Variants in ERCC8 observed in about 807,000 individuals in gnomAD.
ERCC8 encodes DNA excision repair protein ERCC-8.
Under a neutral mutation model 54.9 loss-of-function variants are expected in ERCC8, and 52 were observed. The observed-to-expected ratio is 0.95, with a 90% confidence interval of 0.76 to 1.19. The LOEUF is 1.19. ERCC8 is among the 50% of genes most tolerant of loss of function. ERCC8 has a pLI of 0.00. For missense variants in ERCC8, 514 were observed against 466.1 expected (o/e 1.10, Z -0.95); for synonymous variants, 146 against 157.2 (o/e 0.93, Z 0.53).
At chr5:60,916,473 A>G (rs1180224794) in intron 4 of ERCC8, among the ~76,000 whole-genome samples, 3 of 152,064 alleles carry the variant, frequency 2.0e-5, no homozygotes, top group Admixed American at 2.0e-4. Flanking sequence ...ACCCTCAACT[A>G]GATGCCTGTT....
chr5:60,899,571 T>G, intron 8 of ERCC8, 56 bp downstream of exon 8: 1 of 1,354,862 alleles, frequency 7.4e-7, no homozygotes, highest in Non-Finnish European at 1.1e-6. Context: ...CAATTAAAAA[T>G]TTTCAATGTA....
intron 2 of ERCC8, among the ~76,000 whole-genome samples, chr5:60,927,778 G>C (rs931991299): frequency 1.3e-5 from 2 of 152,132 alleles, no homozygotes; most frequent in Admixed American, 1.3e-4. Context: ...GTTACACTGA[G>C]CCTGGAAAAG....
At chr5:60,902,363 T>G in intron 7 of ERCC8, 79 bp downstream of exon 7, 4 of 1,055,828 alleles carry the variant, frequency 3.8e-6, no homozygotes, top group Non-Finnish European at 5.8e-6. Context: ...TGCTAAAATA[T>G]ATACATTACA....
chr5:60,875,518 A>G (rs561580578), intron 11 of ERCC8, among the ~76,000 whole-genome samples: 3 of 152,326 alleles, frequency 2.0e-5, no homozygotes, highest in Non-Finnish European at 4.4e-5. Context: ...GCAAATAACT[A>G]AAAGGGCTTT....
At chr5:60,933,368 G>T (rs1288704788) in intron 1 of ERCC8, among the ~76,000 whole-genome samples, 1 of 151,414 alleles carries the variant, frequency 6.6e-6, no homozygotes, top group Non-Finnish European at 1.5e-5. Flanking sequence ...ATAGGCATCT[G>T]CCACCACACC....
chr5:60,880,632 T>C (rs1748182963), intron 11 of ERCC8, among the ~76,000 whole-genome samples: 1 of 152,244 alleles, frequency 6.6e-6, no homozygotes, highest in Non-Finnish European at 1.5e-5. Context: ...CCATCACTGA[T>C]ACCCTTTCTT....
chr5:60,896,803 A>T (rs1436909829), intron 9 of ERCC8, among the ~76,000 whole-genome samples: 1 of 152,236 alleles, frequency 6.6e-6, no homozygotes, highest in Non-Finnish European at 1.5e-5. Flanking sequence ...CAAGAAGGAA[A>T]GAAAAATGGA....
chr5:60,905,200 A>G (rs540789025), intron 4 of ERCC8, among the ~76,000 whole-genome samples: 3 of 152,314 alleles, frequency 2.0e-5, no homozygotes, highest in Admixed American at 1.3e-4. Flanking sequence ...TGTAGCCAGC[A>G]CTGCCTCTCA....
At chr5:60,883,680 A>C (rs980752554) in intron 11 of ERCC8, among the ~76,000 whole-genome samples, 7 of 152,206 alleles carry the variant, frequency 4.6e-5, no homozygotes. Flanking sequence ...GATATGTAAA[A>C]CAGTTATGTA....
At chr5:60,896,994 G>A (rs896460761) in intron 9 of ERCC8, among the ~76,000 whole-genome samples, 3 of 152,068 alleles carry the variant, frequency 2.0e-5, no homozygotes, top group Non-Finnish European at 2.9e-5. Flanking sequence ...GGCTTGCAGG[G>A]CCCATATGAT....
At chr5:60,905,700 G>A (rs991290850) in intron 4 of ERCC8, among the ~76,000 whole-genome samples, 77 of 152,190 alleles carry the variant, frequency 5.1e-4, no homozygotes, top group African/African-American at 1.8e-3. Flanking sequence ...GGTTCTTCCT[G>A]CCTGCTGCAC....
At chr5:60,896,200 G>A (rs1748719333) in intron 9 of ERCC8, among the ~76,000 whole-genome samples, 1 of 150,144 alleles carries the variant, frequency 6.7e-6, no homozygotes, top group African/African-American at 2.5e-5. Flanking sequence ...GGTCAGGCTG[G>A]TCTCGAACTC....
At chr5:60,891,667 T>TC (rs1374742438) in intron 9 of ERCC8, among the ~76,000 whole-genome samples, 3 of 151,446 alleles carry the variant, frequency 2.0e-5, no homozygotes, top group African/African-American at 7.3e-5. Flanking sequence ...ATATTCTTTT[T>TC]TTTTTTTCCT....
rs1747819359 is a variant in ERCC8, at chr5:60,869,486, T to C, written c.*5129A>G. Among the ~76,000 whole-genome samples the C allele has an allele frequency of 6.6e-6, 1 of 152,212 alleles. No homozygotes were observed. Among genetic ancestry groups the C allele is most frequent in the Non-Finnish European group, 1.5e-5 (1 of 68,018 alleles). On this transcript the variant is annotated 3_prime_UTR_variant, in exon 12 of 12. Coordinates refer to ENST00000676185, the MANE Select transcript of ERCC8 (RefSeq NM_000082.4). Reference sequence around the variant, plus strand: ...AAATTACTTTATCTATTATTATAATTGGTACAGTTTAAGGTTTTGTCTTTA... The same window carrying C: ...AAATTACTTTATCTATTATTATAATCGGTACAGTTTAAGGTTTTGTCTTTA...
chr5:60,892,408 C>A, intron 9 of ERCC8: 1 of 546,774 alleles, frequency 1.8e-6, no homozygotes. Flanking sequence ...TGTCAAAGAA[C>A]TTGGTCATTT....
chr5:60,909,141 A>G (rs1245319731), intron 4 of ERCC8, among the ~76,000 whole-genome samples: 2 of 148,342 alleles, frequency 1.3e-5, no homozygotes, highest in African/African-American at 4.9e-5. Flanking sequence ...TCTGCCCACC[A>G]AAAGGCAGCA....
chr5:60,920,602 A>G (rs980557856), intron 3 of ERCC8, among the ~76,000 whole-genome samples: 20 of 151,918 alleles, frequency 1.3e-4, no homozygotes, highest in Admixed American at 5.3e-4. Context: ...TTATTTTTAA[A>G]TTGGATTGTA....
intron 11 of ERCC8, 96 bp from the exon 12 acceptor site, chr5:60,874,779 A>T: frequency 2.1e-6 from 2 of 941,622 alleles, no homozygotes; most frequent in Non-Finnish European, 3.2e-6. Context: ...TCAGATAAAT[A>T]GCAATTACAT....
chr5:60,910,575 T>G (rs367600615), intron 4 of ERCC8, among the ~76,000 whole-genome samples: 1 of 152,194 alleles, frequency 6.6e-6, no homozygotes, highest in Non-Finnish European at 1.5e-5. Context: ...AAGTTCTCTG[T>G]GTATTCGGAA....
Sources: gnomAD v4.1 joint callset for allele counts (sites outside exome capture counted in the v4.1 genomes callset) on GRCh38, gnomAD v4.1.1 for gene constraint, MANE v1.5 for transcripts, NCBI Gene and HGNC (gene_info 2026-07-23, HGNC 2026-07-21) for gene names.